The following WDR75 variants were observed in gnomAD, a reference collection of about 807,000 sequenced individuals.
WDR75 encodes the protein WD repeat-containing protein 75.
WDR75 carries 52 observed loss-of-function variants against 106.1 expected under a neutral mutation model. The observed-to-expected ratio is 0.49, with a 90% confidence interval of 0.39 to 0.62. The LOEUF (loss-of-function observed/expected upper bound fraction) is 0.62. Ranked by LOEUF, WDR75 falls within the 20% of genes least tolerant of loss-of-function variation. The pLI, the probability that WDR75 is intolerant of heterozygous loss-of-function variation, is 0.00. For synonymous variants in WDR75, 333 were observed against 335.5 expected (o/e 0.99, Z 0.08); for missense variants, 905 against 970.3 (o/e 0.93, Z 0.89).
chr2:189,451,393 T>C (rs1040095355), intron 3 of WDR75, among the ~76,000 whole-genome samples: 2 of 152,104 alleles, frequency 1.3e-5, no homozygotes, highest in African/African-American at 4.8e-5. Flanking sequence ...AAATTGTAGA[T>C]TGAAAAAAAA....
intron 19 of WDR75, 67 bp downstream of exon 19, chr2:189,474,399 GAC>G: frequency 6.6e-7 from 1 of 1,520,290 alleles, no homozygotes; most frequent in South Asian, 1.3e-5. Context: ...TTGGAGTTTT[GAC>G]ACAGTCAATC....
intron 13 of WDR75, among the ~76,000 whole-genome samples, chr2:189,467,093 C>G (rs1353587727): frequency 6.6e-6 from 1 of 151,824 alleles, no homozygotes; most frequent in African/African-American, 2.4e-5. Flanking sequence ...AATCCAAGAC[C>G]CCCCCGCCCC....
intron 1 of WDR75, among the ~76,000 whole-genome samples, chr2:189,445,547 G>C (rs1424040461): frequency 6.6e-6 from 1 of 152,208 alleles, no homozygotes; most frequent in Non-Finnish European, 1.5e-5. Flanking sequence ...AACTGTCACT[G>C]ATTGGAAGGT....
chr2:189,471,965 AT>A (rs1270019063), intron 18 of WDR75, among the ~76,000 whole-genome samples: 9 of 152,162 alleles, frequency 5.9e-5, no homozygotes, highest in Admixed American at 5.9e-4. Context: ...TATAATTTCC[AT>A]TATTACTAGA....
intron 2 of WDR75, chr2:189,450,636 A>G (rs1686598832): frequency 5.6e-6 from 7 of 1,254,398 alleles, no homozygotes; most frequent in South Asian, 1.9e-5. Context: ...ATCTCATTCA[A>G]AACCTTACCA....
chr2:189,457,017 G>A (rs7574439), intron 5 of WDR75, among the ~76,000 whole-genome samples: 9,845 of 152,040 alleles, frequency 0.065, 496 homozygotes, highest in African/African-American at 0.14. Flanking sequence ...CGAGGCAGGC[G>A]GATCACCTGA....
rs1348173457 is a variant in WDR75 at position 189,462,542 on chromosome 2, A to G, written c.837A>G (p.Thr279=). The change falls in exon 9 of 21, where the codon ACA becomes ACG. Residue 279 remains threonine, a synonymous_variant. Transcript: ENST00000314761. ...TACTTGTAGAGTGGCGCGATGCAACAGAGAAGAATAAGGAGTTTCTCCCGC... is the reference window on the plus strand; with the variant it reads ...TACTTGTAGAGTGGCGCGATGCAACGGAGAAGAATAAGGAGTTTCTCCCGC... ...ESVLVEWRDA[T]EKNKEFLPRL... The G allele has an allele frequency of 1.9e-6, 3 of 1,613,994 alleles. No individual in the cohort carries two copies. The highest frequency in any genetic ancestry group is 3.3e-5 in the Admixed American group (2 of 59,990).
chr2:189,463,607 C>A, intron 9 of WDR75, 87 bp from the exon 10 acceptor site: 1 of 1,138,738 alleles, frequency 8.8e-7, no homozygotes, highest in South Asian at 1.3e-5. Context: ...TTGTGTTAGG[C>A]TGCATAAAAA....
intron 2 of WDR75, chr2:189,450,385 G>A: frequency 3.1e-6 from 3 of 971,618 alleles, no homozygotes; most frequent in Non-Finnish European, 3.7e-6. Flanking sequence ...TTTCTGGAGA[G>A]TCTCACTCTG....
chr2:189,464,063 T>C (rs1047420874), intron 11 of WDR75, 102 bp downstream of exon 11: 1 of 935,068 alleles, frequency 1.1e-6, no homozygotes, highest in Non-Finnish European at 1.6e-6. Flanking sequence ...ATCCTGTGCA[T>C]ATGTTTACTT....
intron 1 of WDR75, among the ~76,000 whole-genome samples, chr2:189,442,030 T>A (rs1448952015): frequency 1.9e-4 from 29 of 152,184 alleles, no homozygotes; most frequent in Admixed American, 1.9e-3. Flanking sequence ...GAACTTTACA[T>A]GAAAACAGAT....
intron 14 of WDR75, among the ~76,000 whole-genome samples, chr2:189,468,036 C>T (rs1687039762): frequency 1.3e-5 from 2 of 152,236 alleles, no homozygotes; most frequent in East Asian, 3.9e-4. Flanking sequence ...TTTTCAGGTC[C>T]TGCTTCAGGT....
chr2:189,470,237 A>C lies in WDR75; in HGVS notation c.1981A>C (p.Lys661Gln), dbSNP rs774933754. 2 of 1,610,598 alleles carry C rather than the reference A, an allele frequency of 1.2e-6. No individual in the cohort carries two copies. Among genetic ancestry groups the C allele is most frequent in the Admixed American group, 3.4e-5 (2 of 59,476 alleles). Residue 661 changes from lysine to glutamine, a missense_variant, in exon 17 of 21, where the codon AAA becomes CAA. By Grantham distance (53) the Lys-to-Gln change is moderately conservative. Transcript: ENST00000314761. ...LNRSQFYFLT[K>Q]SQSLLTFSTK... ...TAGATCCCAGTTTTACTTCCTAACAAAATCACAGGTAACTGCCTCCCTCAA... is the reference window on the plus strand; with the variant it reads ...TAGATCCCAGTTTTACTTCCTAACACAATCACAGGTAACTGCCTCCCTCAA...
rs201503323 is a variant in WDR75, at chr2:189,452,882, G to C, written c.373+987G>C. On this transcript the variant is annotated intron_variant, in intron 4 of 20. Transcript: ENST00000314761. Reference sequence around the variant, plus strand: ...GCAGCTTTAAGATGATAGTGGGGCCGGGCATGATGGCTGACAACTGTAATC... The same window carrying C: ...GCAGCTTTAAGATGATAGTGGGGCCCGGCATGATGGCTGACAACTGTAATC... Among the ~76,000 whole-genome samples the C allele has an allele frequency of 5.9e-5, 9 of 152,290 alleles. No individual in the cohort carries two copies. The East Asian group carries it at 1.7e-3, about 29-fold the overall frequency.
Position 189,469,979 on chromosome 2 carries a change from A to T in WDR75, c.1820-97A>T, listed in dbSNP as rs369406835. 19 of 1,085,752 alleles carry T rather than the reference A, an allele frequency of 1.7e-5. No individual in the cohort carries two copies. In the East Asian group the frequency reaches 4.1e-4, roughly 23 times the overall value. 67.3% of individuals were successfully genotyped at this position (1,085,752 alleles called of 1,614,324 possible). On this transcript the variant is annotated intron_variant, in intron 16 of 20. Coordinates refer to ENST00000314761, the MANE Select transcript of WDR75 (RefSeq NM_032168.3). ...AGTCATGACTTGGGCCAGTTACTCA[A>T]TGGGGTGAGTCCCAGGATTAGTGTG...
chr2:189,445,909 T>C (rs1422766648), intron 1 of WDR75, among the ~76,000 whole-genome samples: 1 of 152,206 alleles, frequency 6.6e-6, no homozygotes, highest in African/African-American at 2.4e-5. Flanking sequence ...AAGTTGACTT[T>C]GAAGGGTTGC....
intron 2 of WDR75, chr2:189,449,484 C>T (rs1340114721): frequency 5.5e-6 from 6 of 1,093,338 alleles, no homozygotes; most frequent in Non-Finnish European, 6.8e-6. Flanking sequence ...AATAGCAAAA[C>T]TATTATTTTG....
intron 2 of WDR75, chr2:189,449,105 C>A: frequency 3.7e-6 from 2 of 534,032 alleles, no homozygotes; most frequent in Admixed American, 3.5e-5. Flanking sequence ...ACAAAGCAGC[C>A]CTTCTTTCTT....
At chr2:189,470,762 T>TTTAGAG in intron 17 of WDR75, 57 bp from the exon 18 acceptor site, 1 of 1,394,622 alleles carries the variant, frequency 7.2e-7, no homozygotes. Flanking sequence ...CTGTAACACC[T>TTTAGAG]TGTTTAGATT....
Sources: allele counts gnomAD v4.1 joint callset (sites outside exome capture counted in the v4.1 genomes callset), GRCh38; gene constraint gnomAD v4.1.1; transcripts MANE v1.5; gene names NCBI Gene and HGNC (gene_info 2026-07-23, HGNC 2026-07-21).